Variants in FAT2 observed in about 807,000 individuals in gnomAD.
The protein encoded by FAT2 is FAT atypical cadherin 2, also known as protocadherin Fat 2.
A neutral mutation model predicts 295.3 loss-of-function variants in FAT2; 150 were observed. The ratio of observed to expected loss-of-function variants is 0.51; its 90% confidence interval spans 0.44 to 0.58. The LOEUF is 0.58. Ranked by LOEUF, FAT2 falls within the 20% of genes least tolerant of loss-of-function variation. The pLI is 0.00. For synonymous variants in FAT2, 2,026 were observed against 2,150.3 expected (o/e 0.94, Z 1.60); for missense variants, 4,868 against 5,442.7 (o/e 0.89, Z 3.32).
chr5:151,546,203 C>A lies in FAT2; in HGVS notation c.4924G>T (p.Asp1642Tyr). Reference protein sequence around the residue: ...AEDQGSPQWHDLATVIIHVYP... With the variant: ...AEDQGSPQWHYLATVIIHVYP... Reference sequence around the variant, plus strand: ...ACATGAATGATCACTGTAGCCAGGTCATGCCATTGTGGGGAGCCTTGATCT... The same window carrying A: ...ACATGAATGATCACTGTAGCCAGGTAATGCCATTGTGGGGAGCCTTGATCT... Residue 1642 changes from aspartate to tyrosine, a missense_variant, in exon 10 of 24, where the codon GAC becomes TAC. By Grantham distance (160) the Asp-to-Tyr change is radical. This residue lies in a region of FAT2 where 3,297 missense variants were observed against 3,669.4 expected (regional missense o/e 0.90). Coordinates refer to ENST00000261800, the MANE Select transcript of FAT2 (RefSeq NM_001447.3). 1 of 1,614,174 alleles carries A rather than the reference C, an allele frequency of 6.2e-7. No homozygotes were observed. The highest frequency in any genetic ancestry group is 1.1e-5 in the South Asian group (1 of 91,074).
At chr5:151,518,063 G>A (rs1753044494) in intron 19 of FAT2, among the ~76,000 whole-genome samples, 1 of 152,168 alleles carries the variant, frequency 6.6e-6, no homozygotes, top group African/African-American at 2.4e-5. Context: ...AGGTGAGGTG[G>A]CTCATGCCTA....
chr5:151,557,474 G>C (rs976906859), intron 3 of FAT2, among the ~76,000 whole-genome samples: 1 of 152,080 alleles, frequency 6.6e-6, no homozygotes, highest in African/African-American at 2.4e-5. Flanking sequence ...TGGGACTTTT[G>C]CAAGAGCTCT....
intron 11 of FAT2, among the ~76,000 whole-genome samples, chr5:151,538,181 T>G (rs1282531902): frequency 6.6e-6 from 1 of 151,976 alleles, no homozygotes; most frequent in Admixed American, 6.6e-5. Flanking sequence ...AACTGAGGTT[T>G]AAAACAGGAA....
Position 151,521,622 on chromosome 5 carries a change from A to G in FAT2, c.10971T>C (p.His3657=), listed in dbSNP as rs147664891. The G allele has an allele frequency of 7.3e-5, 118 of 1,614,118 alleles. No homozygotes were observed. In the African/African-American group the frequency reaches 9.3e-4, roughly 13 times the overall value. ...HWRNLQRFLS[H]KLDIKRANIH... is the part of the protein sequence containing the mutation. ...TGTTAGCCCGTTTGATGTCCAGCTTATGGCTGAGGAACCTCTGCAGGTTCC... is the reference window on the plus strand; with the variant it reads ...TGTTAGCCCGTTTGATGTCCAGCTTGTGGCTGAGGAACCTCTGCAGGTTCC... The change falls in exon 19 of 24, where the codon CAT becomes CAC. Residue 3657 remains histidine (H), a synonymous_variant. Transcript: ENST00000261800.
At chr5:151,583,194 C>T (rs1759031534) in intron 1 of FAT2, among the ~76,000 whole-genome samples, 1 of 152,312 alleles carries the variant, frequency 6.6e-6, no homozygotes, top group South Asian at 2.1e-4. Context: ...AGCGGTTCCA[C>T]TCCTAGGTCA....
chr5:151,541,736 A>G (rs1028496883), intron 10 of FAT2, among the ~76,000 whole-genome samples: 2 of 152,252 alleles, frequency 1.3e-5, no homozygotes, highest in South Asian at 2.1e-4. Context: ...CCAGCCCTGA[A>G]GCAAGCACAA....
rs1754581609 is a variant in FAT2 at position 151,531,408 on chromosome 5, C to A, written c.9811+179G>T. ...TAAGGGAGGCTCCCACATAAGCTGG[C>A]CCCAGGGTGGAAGGAGGGACCTGGT... On this transcript the variant is annotated intron_variant, in intron 14 of 23. Transcript: ENST00000261800. The surrounding 1 kb of genome is among the most constrained non-coding windows in gnomAD (Gnocchi z 5.7). Among the ~76,000 whole-genome samples, 1 of 152,114 alleles carries A rather than the reference C, an allele frequency of 6.6e-6. No homozygotes were observed. Among genetic ancestry groups the A allele is most frequent in the Non-Finnish European group, 1.5e-5 (1 of 68,014 alleles).
intron 1 of FAT2, among the ~76,000 whole-genome samples, chr5:151,589,725 A>G (rs891093230): frequency 6.6e-6 from 1 of 151,594 alleles, no homozygotes; most frequent in Non-Finnish European, 1.5e-5. Context: ...GTGAGACCCC[A>G]TCTCTACAAA....
chr5:151,556,427 G>T (rs1757699195), intron 3 of FAT2, 25 bp from the exon 4 acceptor site: 2 of 1,586,230 alleles, frequency 1.3e-6, no homozygotes, highest in African/African-American at 2.7e-5. Flanking sequence ...ATAAGGGAGA[G>T]ACATGAGCAG....
At chr5:151,593,379 G>A (rs969429676), upstream of FAT2, among the ~76,000 whole-genome samples, 8 of 152,166 alleles carry the variant, frequency 5.3e-5, no homozygotes, top group Non-Finnish European at 1.2e-4. Flanking sequence ...GGGGGAGATG[G>A]GTATCAGGAT....
chr5:151,568,979 A>C, intron 1 of FAT2, 28 bp from the exon 2 acceptor site: 1 of 1,533,410 alleles, frequency 6.5e-7, no homozygotes, highest in Non-Finnish European at 8.7e-7. Context: ...GACAGGGTGC[A>C]AGTTAGGGGG....
At chr5:151,554,881 G>A (rs1757548734) in intron 4 of FAT2, among the ~76,000 whole-genome samples, 1 of 152,230 alleles carries the variant, frequency 6.6e-6, no homozygotes, top group African/African-American at 2.4e-5. Context: ...AGAAAGAACT[G>A]GAAGAAGACA....
At chr5:151,552,617 C>CG (rs756409884) in intron 6 of FAT2, among the ~76,000 whole-genome samples, 7 of 152,306 alleles carry the variant, frequency 4.6e-5, no homozygotes, top group Non-Finnish European at 7.3e-5. Context: ...CCTAAGCGTT[C>CG]GTCAGATTCC....
chr5:151,538,144 G>A (rs779826389), intron 11 of FAT2, among the ~76,000 whole-genome samples, 198 bp from the exon 12 acceptor site: 9 of 152,046 alleles, frequency 5.9e-5, no homozygotes, highest in Non-Finnish European at 1.2e-4. Context: ...AACAGAGGAG[G>A]TAGAATAAGA....
chr5:151,568,809 G>T lies in FAT2; in HGVS notation c.123C>A (p.Thr41=), dbSNP rs1561879367. 8 of 1,614,130 alleles carry T rather than the reference G, an allele frequency of 5.0e-6. No individual in the cohort carries two copies. The highest frequency in any genetic ancestry group is 6.8e-6 in the Non-Finnish European group (8 of 1,180,038). Residue 41 remains threonine (T), a synonymous_variant, in exon 2 of 24, where the codon ACC becomes ACA. Transcript: ENST00000261800. ...TCTTGGGAGAAGAATTTTCATAGAT[G>T]GTGGCATTGTAATGGGAGTGTGTGA... ...WHFTHSHYNA[T]IYENSSPKTY... is the part of the protein sequence containing the mutation.
chr5:151,578,101 A>G (rs1446693051), intron 1 of FAT2, among the ~76,000 whole-genome samples: 1 of 152,054 alleles, frequency 6.6e-6, no homozygotes, highest in Non-Finnish European at 1.5e-5. Context: ...CTCTAAACGC[A>G]GAACAGGGGA....
At position 151,521,738 on chromosome 5, in the gene FAT2, C is replaced by A; in HGVS notation, c.10855G>T (p.Val3619Leu). Residue 3619 changes from valine to leucine, a missense_variant, in exon 19 of 24, where the codon GTG (valine) becomes TTG (leucine). Coordinates refer to ENST00000261800, the MANE Select transcript of FAT2 (RefSeq NM_001447.3). ...AGAGCCTCCTGCCCCACATGCCACA[C>A]GTACACATGGACCCCAGCAGTCGTG... Reference protein sequence around the residue: ...FTTTAGVHVYVWHVGQEALQQ... With the variant: ...FTTTAGVHVYLWHVGQEALQQ... 1 of 1,614,042 alleles carries A rather than the reference C, an allele frequency of 6.2e-7. No homozygotes were observed. The highest frequency in any genetic ancestry group is 2.2e-5 in the East Asian group (1 of 44,870).
intron 18 of FAT2, among the ~76,000 whole-genome samples, chr5:151,522,856 C>A (rs1394887317): frequency 6.6e-6 from 1 of 152,158 alleles, no homozygotes; most frequent in Non-Finnish European, 1.5e-5. Context: ...CCTGACCTCA[C>A]TGATGGGCTG....
Position 151,537,881 on chromosome 5 carries a change from G to T in FAT2, c.9105C>A (p.Ala3035=), listed in dbSNP as rs755553134. ...CATTGGTATCAGTGTCCAAGTCTGT[G>T]GCAGAAACCTTCAAAATGAAGTGTC... The part of the protein sequence containing the change: ...FPGHFILKVS[A]TDLDTDTNAQ... The change falls in exon 12 of 24, where the codon GCC becomes GCA. Residue 3035 remains alanine (A), a synonymous_variant. Coordinates refer to ENST00000261800, the MANE Select transcript of FAT2 (RefSeq NM_001447.3). 53 of 1,614,128 alleles carry T rather than the reference G, an allele frequency of 3.3e-5. No individual in the cohort carries two copies. Among genetic ancestry groups the T allele is most frequent in the Non-Finnish European group, 4.3e-5 (51 of 1,179,996 alleles).
Sources: gnomAD v4.1 joint callset for allele counts (sites outside exome capture counted in the v4.1 genomes callset) on GRCh38, gnomAD v4.1.1 for gene constraint, gnomAD v4.1.1 regional missense constraint, Gnocchi (gnomAD v3.1) non-coding constraint, MANE v1.5 for transcripts, NCBI Gene and HGNC (gene_info 2026-07-23, HGNC 2026-07-21) for gene names.